NDST3: variants seen among roughly 807,000 people sequenced by gnomAD.
NDST3 encodes the protein N-deacetylase and N-sulfotransferase 3, also known as bifunctional heparan sulfate N-deacetylase/N-sulfotransferase 3.
In NDST3, 58 loss-of-function variants were observed where a neutral mutation model predicts 96.1. The ratio of observed to expected loss-of-function variants is 0.60; its 90% CI spans 0.49 to 0.75. NDST3 has a LOEUF of 0.75. Ranked by LOEUF, NDST3 falls within the 30% of genes least tolerant of loss-of-function variation. The probability of loss-of-function intolerance (pLI) is 0.00; values close to 1 mark genes in which losing one functional copy is unlikely to be tolerated. For missense variants in NDST3, 788 were observed against 1,034.2 expected, an observed-to-expected ratio of 0.76 and a Z score of 3.27; for synonymous variants, 333 against 359.7, an observed-to-expected ratio of 0.93 and a Z score of 0.84.
chr4:118,142,183 T>C (rs1238634159), intron 5 of NDST3, among the ~76,000 whole-genome samples: 4 of 152,054 alleles, frequency 2.6e-5, no homozygotes, highest in Admixed American at 6.5e-5. Flanking sequence ...CTTTTAAACA[T>C]AGACATCATC....
chr4:118,152,734 T>A (rs1734481345), intron 6 of NDST3, among the ~76,000 whole-genome samples: 1 of 152,196 alleles, frequency 6.6e-6, no homozygotes, highest in Admixed American at 6.5e-5. Context: ...TTAATATTCC[T>A]TCAAAAAAAG....
chr4:118,114,798 C>CA lies in NDST3; in HGVS notation c.1070-8_1070-7insA, dbSNP rs746944580. The stretch of plus-strand genomic sequence containing the variant: ...GGAATTAATTGGATAATATTTCCCC[C>CA]CCTAAAGGAACTGAAGAGGAAGATG... On this transcript the variant is annotated splice_polypyrimidine_tract_variant and splice_region_variant and intron_variant, in intron 3 of 13. Coordinates refer to ENST00000296499, the MANE Select transcript of NDST3 (RefSeq NM_004784.3). The CA allele has an allele frequency of 3.7e-6, 6 of 1,613,160 alleles. No individual in the cohort carries two copies. The Admixed American group carries it at 5.0e-5, about 13-fold the overall frequency.
chr4:118,209,803 C>G (rs1738670909), intron 6 of NDST3, among the ~76,000 whole-genome samples: 2 of 152,274 alleles, frequency 1.3e-5, no homozygotes, highest in Admixed American at 6.5e-5. Flanking sequence ...ATGTTAAGAA[C>G]CCTTTGCCAA....
At chr4:118,227,236 TTTC>T (rs1739948809) in intron 8 of NDST3, among the ~76,000 whole-genome samples, 2 of 89,806 alleles carry the variant, frequency 2.2e-5, no homozygotes, top group Middle Eastern at 7.8e-3. Flanking sequence ...TGTTTTTTTT[TTTC>T]CCCCCCAAAT....
chr4:118,185,124 T>C (rs1718399390), intron 6 of NDST3, among the ~76,000 whole-genome samples: 1 of 152,168 alleles, frequency 6.6e-6, no homozygotes, highest in Non-Finnish European at 1.5e-5. Context: ...TCAAAGAATG[T>C]TAAAATATAA....
intron 6 of NDST3, among the ~76,000 whole-genome samples, chr4:118,174,118 C>G (rs570635862): frequency 7.2e-5 from 11 of 152,250 alleles, no homozygotes; most frequent in Non-Finnish European, 1.3e-4. Context: ...TGTGGTTTAA[C>G]TTTAGGCTGT....
intron 6 of NDST3, among the ~76,000 whole-genome samples, chr4:118,165,921 A>G (rs1025957664): frequency 6.6e-6 from 1 of 151,950 alleles, no homozygotes; most frequent in Non-Finnish European, 1.5e-5. Context: ...CAGTATTATG[A>G]GGGAAGTTTA....
intron 4 of NDST3, among the ~76,000 whole-genome samples, chr4:118,130,874 A>C (rs1310562941): frequency 6.6e-6 from 1 of 152,154 alleles, no homozygotes; most frequent in African/African-American, 2.4e-5. Flanking sequence ...TTCCTTCAGC[A>C]CTTTAAACAT....
intron 2 of NDST3, among the ~76,000 whole-genome samples, chr4:118,056,368 A>G (rs1725429873): frequency 6.6e-6 from 1 of 152,022 alleles, no homozygotes; most frequent in African/African-American, 2.4e-5. Flanking sequence ...TTTCAGGGGT[A>G]TGAAAAATTA....
chr4:118,205,142 T>C (rs1249218773), intron 6 of NDST3, among the ~76,000 whole-genome samples: 2 of 144,412 alleles, frequency 1.4e-5, no homozygotes, highest in East Asian at 3.9e-4. Flanking sequence ...TCTCTAGAGT[T>C]GAGCAGGCCT....
chr4:118,049,933 A>G (rs889090133), intron 1 of NDST3, among the ~76,000 whole-genome samples: 2 of 152,128 alleles, frequency 1.3e-5, no homozygotes, highest in African/African-American at 4.8e-5. Flanking sequence ...CACAATGAAG[A>G]AAAAAAACTT....
At chr4:118,041,871 AT>A (rs1164732326) in intron 1 of NDST3, among the ~76,000 whole-genome samples, 1 of 152,196 alleles carries the variant, frequency 6.6e-6, no homozygotes, top group Non-Finnish European at 1.5e-5. Flanking sequence ...GCCCTTGGAA[AT>A]TTCAGTCTAA....
At chr4:118,194,135 T>C (rs1737508130) in intron 6 of NDST3, 2 of 1,032,654 alleles carry the variant, frequency 1.9e-6, no homozygotes, top group Admixed American at 3.4e-5. Context: ...CACAATGGAA[T>C]GTTCTCCTTT....
chr4:118,223,824 A>C (rs997649028), intron 6 of NDST3, among the ~76,000 whole-genome samples: 4 of 152,080 alleles, frequency 2.6e-5, no homozygotes, highest in Non-Finnish European at 5.9e-5. Context: ...TTTTTATAGC[A>C]GCATAAACGT....
chr4:118,113,427 T>C (rs146969695), intron 3 of NDST3, among the ~76,000 whole-genome samples: 67 of 152,346 alleles, frequency 4.4e-4, no homozygotes, highest in Non-Finnish European at 8.1e-4. Context: ...AAGACTGCCC[T>C]TGTTGAATGA....
intron 4 of NDST3, among the ~76,000 whole-genome samples, chr4:118,129,173 T>C (rs1464431987): frequency 6.6e-6 from 1 of 152,030 alleles, no homozygotes; most frequent in Admixed American, 6.6e-5. Context: ...GTTTTCTTCA[T>C]TTCAATTTCG....
intron 1 of NDST3, among the ~76,000 whole-genome samples, chr4:118,039,979 A>C (rs768704121): frequency 1.6e-4 from 24 of 152,250 alleles, no homozygotes; most frequent in Non-Finnish European, 1.8e-4. Flanking sequence ...GCTGGAAAGA[A>C]GTAACAGAGT....
chr4:118,250,986 T>C (rs1470688189), intron 12 of NDST3, among the ~76,000 whole-genome samples: 1 of 151,292 alleles, frequency 6.6e-6, no homozygotes, highest in Non-Finnish European at 1.5e-5. Context: ...TTTTCCCTTA[T>C]GGTTCATCCT....
intron 6 of NDST3, among the ~76,000 whole-genome samples, chr4:118,200,168 A>G (rs1044306594): frequency 1.3e-5 from 2 of 152,242 alleles, no homozygotes; most frequent in Non-Finnish European, 2.9e-5. Context: ...AGGAGGGTCC[A>G]GAGGTGCCAT....
Sources: gnomAD v4.1 joint callset for allele counts (sites outside exome capture counted in the v4.1 genomes callset) on GRCh38, gnomAD v4.1.1 for gene constraint, MANE v1.5 for transcripts, NCBI Gene and HGNC (gene_info 2026-07-23, HGNC 2026-07-21) for gene names.